Variants in RBFOX1 observed in about 807,000 individuals in gnomAD.
RBFOX1 encodes RNA binding fox-1 homolog 1, also known as RNA binding protein fox-1 homolog 1.
Under a neutral mutation model 57.7 loss-of-function variants are expected in RBFOX1, and 8 were observed. The observed-to-expected ratio is 0.14, with a 90% confidence interval of 0.08 to 0.25. RBFOX1 has a LOEUF of 0.25. Ranked by LOEUF, RBFOX1 falls within the 10% of genes least tolerant of loss-of-function variation. The pLI, the probability that RBFOX1 is intolerant of heterozygous loss-of-function variation, is 1.00. For synonymous variants in RBFOX1, 326 were observed against 222.4 expected (o/e 1.47, Z -4.15); for missense variants, 611 against 548.5 (o/e 1.11, Z -1.14).
At chr16:7,441,439 C>T (rs1160073910) in intron 4 of RBFOX1, among the ~76,000 whole-genome samples, 5 of 152,142 alleles carry the variant, frequency 3.3e-5, no homozygotes, top group African/African-American at 4.8e-5. Flanking sequence ...TACAGAAGAG[C>T]AGAGATGGGA....
intron 3 of RBFOX1, among the ~76,000 whole-genome samples, chr16:6,977,884 G>T (rs1179289725): frequency 1.4e-5 from 2 of 146,264 alleles, no homozygotes; most frequent in Non-Finnish European, 3.0e-5. Context: ...GTGAGCTGAG[G>T]GGACTCTCTA....
chr16:5,932,728 G>A (rs1045106747), intron 4 of RBFOX1, among the ~76,000 whole-genome samples: 1 of 152,166 alleles, frequency 6.6e-6, no homozygotes, highest in Non-Finnish European at 1.5e-5. Flanking sequence ...TTGTTTACGT[G>A]CATTTCCCAT....
At chr16:6,749,865 A>G (rs2074569652) in intron 3 of RBFOX1, among the ~76,000 whole-genome samples, 1 of 152,322 alleles carries the variant, frequency 6.6e-6, no homozygotes, top group African/African-American at 2.4e-5. Flanking sequence ...AGTCAGCAGG[A>G]AACACATTTC....
At chr16:5,482,163 C>G (rs1159773078) in intron 2 of RBFOX1, among the ~76,000 whole-genome samples, 3 of 152,172 alleles carry the variant, frequency 2.0e-5, no homozygotes, top group Non-Finnish European at 4.4e-5. Flanking sequence ...TTTTTTCACT[C>G]TCTTTCAAGT....
Position 6,154,900 on chromosome 16 carries a change from A to G in RBFOX1, c.-127+134908A>G, listed in dbSNP as rs908189796. On this transcript the variant is annotated intron_variant, in intron 1 of 15. Transcript: ENST00000550418. Reference sequence around the variant, plus strand: ...TAATAAAAAGCAATTGTGTGTTTCCATATTTGAAAAAGAATTCAATTAGCA... The same window carrying G: ...TAATAAAAAGCAATTGTGTGTTTCCGTATTTGAAAAAGAATTCAATTAGCA... Among the ~76,000 whole-genome samples, 4 of 152,366 alleles carry G rather than the reference A, an allele frequency of 2.6e-5. No homozygotes were observed. In the South Asian group the frequency reaches 8.3e-4, roughly 32 times the overall value.
chr16:6,237,696 A>G (rs1034104116), intron 1 of RBFOX1, among the ~76,000 whole-genome samples: 8 of 152,184 alleles, frequency 5.3e-5, no homozygotes, highest in Middle Eastern at 3.4e-3. Flanking sequence ...AGCCACGATC[A>G]CACCACTACA....
chr16:7,112,230 A>G (rs1443063854), intron 4 of RBFOX1, among the ~76,000 whole-genome samples: 1 of 151,986 alleles, frequency 6.6e-6, no homozygotes, highest in Non-Finnish European at 1.5e-5. Flanking sequence ...TTTTTTTGAG[A>G]TGGGGTCTGT....
intron 4 of RBFOX1, among the ~76,000 whole-genome samples, chr16:7,490,853 C>G (rs962612269): frequency 4.6e-5 from 7 of 152,186 alleles, no homozygotes; most frequent in African/African-American, 1.2e-4. Flanking sequence ...TGCTGTTACT[C>G]TCTGATTCTC....
chr16:5,648,272 G>T (rs1159500374), intron 3 of RBFOX1, among the ~76,000 whole-genome samples: 2 of 152,214 alleles, frequency 1.3e-5, no homozygotes, highest in Non-Finnish European at 2.9e-5. Context: ...CGGAGCCTCA[G>T]TTTTCACATC....
chr16:6,857,723 C>G (rs1250925629), intron 3 of RBFOX1, among the ~76,000 whole-genome samples: 2 of 152,258 alleles, frequency 1.3e-5, no homozygotes, highest in East Asian at 3.9e-4. Flanking sequence ...TCCCATTCTC[C>G]TGTAAATTGG....
At chr16:7,504,894 A>C (rs2072699276) in intron 4 of RBFOX1, among the ~76,000 whole-genome samples, 1 of 146,276 alleles carries the variant, frequency 6.8e-6, no homozygotes, top group Admixed American at 6.9e-5. Context: ...TGTATTAATA[A>C]CAGGCAATAA....
chr16:7,209,428 C>G (rs989075492), intron 4 of RBFOX1, among the ~76,000 whole-genome samples: 2 of 152,172 alleles, frequency 1.3e-5, no homozygotes, highest in African/African-American at 4.8e-5. Context: ...TTTTAACTTA[C>G]TTACCTTTTT....
intron 2 of RBFOX1, among the ~76,000 whole-genome samples, chr16:5,477,691 A>T (rs2069379447): frequency 6.6e-6 from 1 of 152,066 alleles, no homozygotes; most frequent in African/African-American, 2.4e-5. Context: ...TGCATATAAC[A>T]CCAGTCTCTC....
chr16:7,700,612 A>G lies in RBFOX1; in HGVS notation c.996-8444A>G, dbSNP rs549203442. ...GATTTTGGTAGAGCAGGAGTAGACA[A>G]ACAAAGGAGAAATGAAATTTCTAAG... On this transcript the variant is annotated intron_variant, in intron 14 of 15. Transcript: ENST00000550418. Among the ~76,000 whole-genome samples the G allele has an allele frequency of 1.9e-3, 282 of 152,070 alleles. 1 individual carries two copies. The highest frequency in any genetic ancestry group is 8.7e-3 in the South Asian group (42 of 4,828).
intron 3 of RBFOX1, among the ~76,000 whole-genome samples, chr16:5,626,859 T>G (rs2048364190): frequency 6.6e-6 from 1 of 152,206 alleles, no homozygotes; most frequent in African/African-American, 2.4e-5. Flanking sequence ...ATCATTTTTT[T>G]TTCTATAAGA....
At chr16:5,846,167 G>A (rs995003797) in intron 3 of RBFOX1, among the ~76,000 whole-genome samples, 6 of 150,142 alleles carry the variant, frequency 4.0e-5, no homozygotes, top group Admixed American at 6.6e-5. Context: ...GGGCGACAGA[G>A]TGAGGCACTG....
chr16:6,843,052 T>C (rs1163336474), intron 3 of RBFOX1, among the ~76,000 whole-genome samples: 2 of 152,192 alleles, frequency 1.3e-5, no homozygotes, highest in African/African-American at 4.8e-5. Context: ...GTGCCACGTG[T>C]TCTTTATCCT....
Position 7,305,916 on chromosome 16 carries a change from G to T in RBFOX1, c.28-212231G>T, listed in dbSNP as rs544641961. ...CTTCCACAATTTCTGTGCCTTTGCT[G>T]TGGGTGTGTGTGTAAATGTGTATGT... On this transcript the variant is annotated intron_variant, in intron 4 of 15. Transcript: ENST00000550418. 3.9e-5 allele frequency among the ~76,000 whole-genome samples: 6 copies of T among 152,300 alleles called. No individual in the cohort carries two copies. In the South Asian group the frequency reaches 1.2e-3, roughly 32 times the overall value.
intron 4 of RBFOX1, among the ~76,000 whole-genome samples, chr16:7,197,998 C>CTTTTTTTTTTT (rs945404947): frequency 6.8e-4 from 38 of 55,590 alleles, no homozygotes; most frequent in African/African-American, 1.3e-3. Flanking sequence ...TTCTTTCTTT[C>CTTTTTTTTTTT]TTTTTTTTTT....
Sources: gnomAD v4.1 joint callset for allele counts (sites outside exome capture counted in the v4.1 genomes callset) on GRCh38, gnomAD v4.1.1 for gene constraint, MANE v1.5 for transcripts, NCBI Gene and HGNC (gene_info 2026-07-23, HGNC 2026-07-21) for gene names.